The following EP400 variants were observed in gnomAD, a reference collection of about 807,000 sequenced individuals.
EP400 encodes the protein E1A-binding protein p400.
Under a neutral mutation model 354.1 loss-of-function variants are expected in EP400, and 105 were observed. The observed-to-expected ratio is 0.30, with a 90% confidence interval of 0.25 to 0.35. The LOEUF is 0.35. EP400 is among the 10% of genes least tolerant of loss of function. The pLI, the probability that EP400 is intolerant of heterozygous loss-of-function variation, is 1.00. For missense variants in EP400, 3,280 were observed against 4,121.0 expected (o/e 0.80, Z 5.59); for synonymous variants, 1,646 against 1,716.9 (o/e 0.96, Z 1.02).
chr12:132,062,474 G>A lies in EP400; in HGVS notation c.8107G>A (p.Val2703Ile). The A allele has an allele frequency of 6.2e-7, 1 of 1,613,066 alleles. No homozygotes were observed. Among genetic ancestry groups the A allele is most frequent in the Non-Finnish European group, 8.5e-7 (1 of 1,180,034 alleles). The change falls in exon 47 of 53, where the codon GTT becomes ATT. Residue 2703 changes from valine (V) to isoleucine (I), a missense_variant. Coordinates refer to ENST00000389561, the MANE Select transcript of EP400 (RefSeq NM_015409.5). ...AGCAAACCTCTTCATAGCCACAGGA[G>A]TTCAGCTCCCTGGAAAAACCATCAC... ...LVPQVSQATG[V>I]QLPGKTITPA...
chr12:131,958,794 T>TA (rs1486688238), intron 1 of EP400, among the ~76,000 whole-genome samples: 1 of 152,198 alleles, frequency 6.6e-6, no homozygotes, highest in East Asian at 1.9e-4. Context: ...GTGCTGGCAT[T>TA]ACAGGTGTGA....
At chr12:131,980,780 C>T (rs1892654722) in intron 3 of EP400, among the ~76,000 whole-genome samples, 1 of 152,144 alleles carries the variant, frequency 6.6e-6, no homozygotes. Context: ...GTCTCAAACT[C>T]CTGGGCTCAA....
At chr12:131,973,510 G>A (rs1036986828) in intron 2 of EP400, among the ~76,000 whole-genome samples, 1 of 152,176 alleles carries the variant, frequency 6.6e-6, no homozygotes, top group Non-Finnish European at 1.5e-5. Context: ...GGGTGTGGTG[G>A]CGTGTTCCCG....
intron 22 of EP400, among the ~76,000 whole-genome samples, chr12:132,020,773 G>C (rs578104445): frequency 1.1e-4 from 16 of 152,338 alleles, no homozygotes; most frequent in Non-Finnish European, 2.2e-4. Context: ...TTCTTTGTGT[G>C]TTTAGGAAAT....
chr12:132,021,221 C>T lies in EP400; in HGVS notation c.4590C>T (p.Gly1530=). The T allele has an allele frequency of 2.5e-6, 4 of 1,587,524 alleles. No individual in the cohort carries two copies. The highest frequency in any genetic ancestry group is 3.4e-6 in the Non-Finnish European group (4 of 1,174,034). The change falls in exon 23 of 53, where the codon GGC becomes GGT. Residue 1530 remains glycine, a synonymous_variant. Transcript: ENST00000389561. ...AQTTAQASTP[G]QPPPQPQAPS... is the part of the protein sequence containing the mutation. The stretch of plus-strand genomic sequence containing the variant: ...CCACAGCACAGGCCTCCACCCCAGG[C>T]CAGCCCCCGCCCCAGCCCCAGGCCC...
rs766462581 is a variant in EP400 at position 132,037,694 on chromosome 12, C to G, written c.5964C>G (p.Gly1988=). 3.1e-6 allele frequency: 5 copies of G among 1,614,112 alleles called. No homozygotes were observed. Among genetic ancestry groups the G allele is most frequent in the Non-Finnish European group, 3.4e-6 (4 of 1,179,950 alleles). The change falls in exon 31 of 53, where the codon GGC becomes GGG. Residue 1988 remains glycine, a synonymous_variant. Coordinates refer to ENST00000389561, the MANE Select transcript of EP400 (RefSeq NM_015409.5). The part of the protein sequence containing the change: ...KDIHIYRLVS[G]NSIEEKLLKN... The stretch of plus-strand genomic sequence containing the variant: ...CTTTTGTTTGCAGGCTTGTGAGTGG[C>G]AATTCCATTGAAGAGAAATTGTTGA...
intron 2 of EP400, among the ~76,000 whole-genome samples, chr12:131,964,982 T>G (rs1212537367): frequency 6.6e-6 from 1 of 152,276 alleles, no homozygotes; most frequent in African/African-American, 2.4e-5. Flanking sequence ...TAGTCTTTCA[T>G]GACCTTGGCT....
chr12:131,974,231 A>G (rs1282742135), intron 2 of EP400, among the ~76,000 whole-genome samples: 2 of 152,048 alleles, frequency 1.3e-5, no homozygotes, highest in African/African-American at 4.8e-5. Context: ...CGCCTACCTC[A>G]GCCTCCCAAA....
At position 132,020,036 on chromosome 12, in the gene EP400, A is replaced by C; in HGVS notation, c.4278-13A>C. On this transcript the variant is annotated splice_polypyrimidine_tract_variant and intron_variant, in intron 21 of 52. Transcript: ENST00000389561. ...TGCTCTGTATCTTCTTGCCTGGACC[A>C]ATGGGCATCTAGGTTGTTTCAGCCT... The C allele has an allele frequency of 1.1e-5, 16 of 1,518,130 alleles. No individual in the cohort carries two copies. The highest frequency in any genetic ancestry group is 1.4e-5 in the Non-Finnish European group (16 of 1,130,222). The allele number at this position is 1,518,130 out of a possible 1,614,324, so 94.0% of individuals were successfully genotyped here. A position where few individuals can be genotyped will look rare whatever the true frequency, so the allele number is the denominator to read the frequency against.
intron 30 of EP400, among the ~76,000 whole-genome samples, chr12:132,035,653 C>T (rs570097134): frequency 2.0e-4 from 27 of 137,430 alleles, no homozygotes; most frequent in South Asian, 7.2e-4. Context: ...CACACAGCAT[C>T]GTGGAACGAC....
chr12:132,053,558 G>T lies in EP400; in HGVS notation c.7689G>T (p.Ala2563=), dbSNP rs759625372. ...QPQPVQAPAK[A]QPAITTGGSA... ...AGCCTGTGCAGGCCCCAGCGAAGGCGCAGCCCGCAATCACGACGGGGGGCA... is the reference window on the plus strand; with the variant it reads ...AGCCTGTGCAGGCCCCAGCGAAGGCTCAGCCCGCAATCACGACGGGGGGCA... The change falls in exon 43 of 53, where the codon GCG becomes GCT. Residue 2563 remains alanine, a synonymous_variant. Coordinates refer to ENST00000389561, the MANE Select transcript of EP400 (RefSeq NM_015409.5). 2 of 1,562,944 alleles carry T rather than the reference G, an allele frequency of 1.3e-6. No individual in the cohort carries two copies. The highest frequency in any genetic ancestry group is 1.7e-6 in the Non-Finnish European group (2 of 1,160,776).
At chr12:132,044,436 C>T (rs1330499124) in intron 35 of EP400, 125 bp downstream of exon 35, 17 of 1,348,378 alleles carry the variant, frequency 1.3e-5, no homozygotes, top group Non-Finnish European at 1.6e-5. Flanking sequence ...TTTTACTTCT[C>T]ATATCAACAC....
At chr12:131,956,569 A>G (rs534369626) in intron 1 of EP400, among the ~76,000 whole-genome samples, 53 of 152,208 alleles carry the variant, frequency 3.5e-4, no homozygotes, top group Non-Finnish European at 6.0e-4. Context: ...TACTAGGCCA[A>G]AGGTTTTGGG....
chr12:132,047,590 A>T (rs1030458014), intron 39 of EP400, among the ~76,000 whole-genome samples: 1 of 152,244 alleles, frequency 6.6e-6, no homozygotes, highest in Non-Finnish European at 1.5e-5. Context: ...GGTCACAGAG[A>T]TCACATGCTT....
rs1896203947 is a variant in EP400, at chr12:132,075,402, G to C, written c.9022-1114G>C. Among the ~76,000 whole-genome samples the C allele has an allele frequency of 6.6e-6, 1 of 152,178 alleles. No homozygotes were observed. The highest frequency in any genetic ancestry group is 1.5e-5 in the Non-Finnish European group (1 of 68,042). On this transcript the variant is annotated intron_variant, in intron 51 of 52. Coordinates refer to ENST00000389561, the MANE Select transcript of EP400 (RefSeq NM_015409.5). The surrounding 1 kb of genome is among the most constrained non-coding windows in gnomAD (Gnocchi z 4.5). ...TTAGGTTTGGAGACTGGCAGTTCCT[G>C]ACTCTTTGCAGGTTTCTTGGTACAT...
intron 5 of EP400, among the ~76,000 whole-genome samples, chr12:131,982,982 A>T (rs1185301708): frequency 6.6e-6 from 1 of 151,270 alleles, no homozygotes; most frequent in Admixed American, 6.6e-5. Context: ...AAAAAAAAAA[A>T]AAATAATAAT....
At chr12:132,016,906 C>T (rs1358516888) in intron 19 of EP400, among the ~76,000 whole-genome samples, 1 of 152,194 alleles carries the variant, frequency 6.6e-6, no homozygotes, top group African/African-American at 2.4e-5. Context: ...CTGCCATCTC[C>T]TTCCTGAGTC....
chr12:132,016,660 C>G (rs1196881239), intron 19 of EP400, among the ~76,000 whole-genome samples: 1 of 152,200 alleles, frequency 6.6e-6, no homozygotes, highest in Non-Finnish European at 1.5e-5. Context: ...GCATGAGCCA[C>G]CGCACCCGGC....
intron 47 of EP400, among the ~76,000 whole-genome samples, chr12:132,063,396 C>T (rs1339093806): frequency 6.6e-6 from 1 of 151,998 alleles, no homozygotes; most frequent in Non-Finnish European, 1.5e-5. Flanking sequence ...GCCTGTAATC[C>T]CAGCTGAGGC....
Sources: gnomAD v4.1 joint callset for allele counts (sites outside exome capture counted in the v4.1 genomes callset) on GRCh38, gnomAD v4.1.1 for gene constraint, Gnocchi (gnomAD v3.1) non-coding constraint, MANE v1.5 for transcripts, NCBI Gene and HGNC (gene_info 2026-07-23, HGNC 2026-07-21) for gene names.